The following ESRRG variants were observed in gnomAD, a reference collection of about 807,000 sequenced individuals.
The protein encoded by ESRRG is estrogen related receptor gamma, also known as estrogen-related receptor gamma.
A neutral mutation model predicts 44.0 loss-of-function variants in ESRRG; 13 were observed. That is an observed-to-expected ratio of 0.30 (90% confidence interval 0.19 to 0.47). The LOEUF (loss-of-function observed/expected upper bound fraction) is 0.47, where lower values mean the gene tolerates loss of function less well. Among genes scored for constraint, ESRRG ranks in the 20% least tolerant of loss-of-function variants. The pLI, the probability that ESRRG is intolerant of heterozygous loss-of-function variation, is 1.00. For missense variants in ESRRG, 395 were observed against 580.6 expected, an observed-to-expected ratio of 0.68 and a Z score of 3.29; for synonymous variants, 215 against 214.6, an observed-to-expected ratio of 1.00 and a Z score of -0.02.
At chr1:217,087,330 AG>A (rs2092140360) in intron 1 of ESRRG, among the ~76,000 whole-genome samples, 2 of 152,228 alleles carry the variant, frequency 1.3e-5, no homozygotes, top group African/African-American at 4.8e-5. Flanking sequence ...ATTCACATTC[AG>A]AACTCAAAAT....
chr1:216,652,383 G>A (rs1296921834), intron 2 of ESRRG, among the ~76,000 whole-genome samples: 1 of 152,018 alleles, frequency 6.6e-6, no homozygotes, highest in Admixed American at 6.6e-5. Context: ...TCACATTAGT[G>A]GATTGCAGGG....
intron 3 of ESRRG, among the ~76,000 whole-genome samples, chr1:216,603,359 T>C (rs962399830): frequency 4.6e-5 from 7 of 152,182 alleles, no homozygotes; most frequent in Non-Finnish European, 8.8e-5. Flanking sequence ...ACCCTAACTT[T>C]CATTGAAGTA....
chr1:216,946,694 A>C (rs1268338650), intron 1 of ESRRG, among the ~76,000 whole-genome samples: 2 of 151,454 alleles, frequency 1.3e-5, no homozygotes, highest in Non-Finnish European at 3.0e-5. Flanking sequence ...CCCTCCCCCC[A>C]TATCTTTCCT....
At chr1:216,673,838 T>C (rs924983725) in intron 2 of ESRRG, among the ~76,000 whole-genome samples, 6 of 152,212 alleles carry the variant, frequency 3.9e-5, no homozygotes, top group African/African-American at 1.2e-4. Flanking sequence ...AGACATTTGT[T>C]AGAGGAATTC....
intron 1 of ESRRG, among the ~76,000 whole-genome samples, chr1:216,700,852 G>T (rs1281483262): frequency 6.6e-6 from 1 of 152,238 alleles, no homozygotes; most frequent in Admixed American, 6.5e-5. Context: ...AGAAACCAGT[G>T]AGTGGTTAGG....
chr1:216,927,295 A>G (rs1041145767), intron 2 of ESRRG, among the ~76,000 whole-genome samples: 2 of 152,186 alleles, frequency 1.3e-5, no homozygotes, highest in African/African-American at 4.8e-5. Context: ...TTTGCTTAGA[A>G]GGGACCTGCC....
chr1:216,548,614 T>A (rs1266803075), intron 5 of ESRRG, among the ~76,000 whole-genome samples: 1 of 152,048 alleles, frequency 6.6e-6, no homozygotes, highest in African/African-American at 2.4e-5. Context: ...ATTGTGCAAA[T>A]CCAGCTGCGA....
intron 2 of ESRRG, among the ~76,000 whole-genome samples, chr1:216,796,349 A>G (rs1192598369): frequency 1.3e-5 from 2 of 152,158 alleles, no homozygotes; most frequent in Non-Finnish European, 2.9e-5. Context: ...CTGGAGAAAA[A>G]GAATGTTCTA....
chr1:217,009,583 T>C (rs888385202), intron 1 of ESRRG, among the ~76,000 whole-genome samples: 2 of 152,184 alleles, frequency 1.3e-5, no homozygotes, highest in Non-Finnish European at 2.9e-5. Flanking sequence ...TTGTTCATGG[T>C]GTTTGGCAAG....
chr1:216,685,807 T>C (rs2077833462), intron 1 of ESRRG, among the ~76,000 whole-genome samples: 1 of 152,180 alleles, frequency 6.6e-6, no homozygotes, highest in Admixed American at 6.5e-5. Flanking sequence ...TCTTTACTCA[T>C]TAAGATAATG....
intron 1 of ESRRG, among the ~76,000 whole-genome samples, chr1:217,066,355 C>G (rs2089685059): frequency 7.2e-6 from 1 of 139,630 alleles, no homozygotes; most frequent in Non-Finnish European, 1.6e-5. Flanking sequence ...CCCGGGTTCA[C>G]GCCATTCTCC....
chr1:216,749,531 T>C (rs1038469522), intron 2 of ESRRG, among the ~76,000 whole-genome samples: 7 of 152,204 alleles, frequency 4.6e-5, no homozygotes, highest in Admixed American at 3.3e-4. Flanking sequence ...GCTGTGGAGA[T>C]CAAAATGGTC....
intron 2 of ESRRG, among the ~76,000 whole-genome samples, chr1:216,788,919 G>A (rs2094219336): frequency 6.6e-6 from 1 of 152,114 alleles, no homozygotes; most frequent in African/African-American, 2.4e-5. Flanking sequence ...GAAATAGCAA[G>A]AGAATTAGAA....
chr1:216,692,371 A>G (rs534675142), intron 1 of ESRRG, among the ~76,000 whole-genome samples: 1 of 151,822 alleles, frequency 6.6e-6, no homozygotes, highest in South Asian at 2.1e-4. Context: ...AAAGAGTTTA[A>G]CAAGTAAAAA....
At chr1:216,736,273 C>G (rs567693695) in intron 2 of ESRRG, among the ~76,000 whole-genome samples, 1 of 150,084 alleles carries the variant, frequency 6.7e-6, no homozygotes, top group Admixed American at 6.6e-5. Flanking sequence ...AGCTCCGCCT[C>G]CCGGTTTCAC....
chr1:217,079,884 C>G (rs2091611936), intron 1 of ESRRG, among the ~76,000 whole-genome samples: 1 of 152,126 alleles, frequency 6.6e-6, no homozygotes, highest in Non-Finnish European at 1.5e-5. Flanking sequence ...TCCTTCCCTC[C>G]CATAATTTGT....
chr1:216,592,810 A>G (rs1383862057), intron 3 of ESRRG, among the ~76,000 whole-genome samples: 1 of 152,116 alleles, frequency 6.6e-6, no homozygotes, highest in Non-Finnish European at 1.5e-5. Flanking sequence ...TGGTGTTACC[A>G]TCTTGTTATA....
chr1:216,922,116 G>A (rs1251782421), intron 2 of ESRRG, among the ~76,000 whole-genome samples: 4 of 152,124 alleles, frequency 2.6e-5, no homozygotes, highest in Admixed American at 6.6e-5. Context: ...TGGACCTTGG[G>A]CACACCAGTC....
At chr1:216,812,540 A>C (rs532849788) in intron 2 of ESRRG, among the ~76,000 whole-genome samples, 1 of 152,324 alleles carries the variant, frequency 6.6e-6, no homozygotes, top group South Asian at 2.1e-4. Context: ...CATAGATGCT[A>C]TAAGAATATA....
Sources: gnomAD v4.1 joint callset for allele counts (sites outside exome capture counted in the v4.1 genomes callset) on GRCh38, gnomAD v4.1.1 for gene constraint, MANE v1.5 for transcripts, NCBI Gene and HGNC (gene_info 2026-07-23, HGNC 2026-07-21) for gene names.